Variants in DISC1 observed in about 807,000 individuals in gnomAD.
DISC1 encodes DISC1 scaffold protein.
In DISC1, 57 loss-of-function variants were observed where a neutral mutation model predicts 84.5. The observed-to-expected ratio is 0.67, with a 90% CI of 0.55 to 0.84. The LOEUF is 0.84. Among genes scored for constraint, DISC1 ranks in the 40% least tolerant of loss-of-function variants. DISC1 has a pLI of 0.00. For synonymous variants in DISC1, 411 were observed against 415.2 expected, an observed-to-expected ratio of 0.99 and a Z score of 0.12; for missense variants, 1,000 against 1,057.8, an observed-to-expected ratio of 0.95 and a Z score of 0.76.
At chr1:231,877,180 A>G (rs1349679669) in intron 9 of DISC1, among the ~76,000 whole-genome samples, 1 of 152,252 alleles carries the variant, frequency 6.6e-6, no homozygotes. Flanking sequence ...GACACCTACC[A>G]TTCTCAGGGG....
intron 3 of DISC1, among the ~76,000 whole-genome samples, chr1:231,711,648 G>A (rs1259154666): frequency 3.3e-5 from 5 of 152,108 alleles, no homozygotes; most frequent in East Asian, 3.9e-4. Context: ...GATTACAGGC[G>A]TGAGCCACCA....
chr1:231,768,702 G>A (rs115048609), intron 5 of DISC1, among the ~76,000 whole-genome samples: 435 of 152,332 alleles, frequency 2.9e-3, no homozygotes, highest in African/African-American at 9.9e-3. Flanking sequence ...TTCCTGGGGA[G>A]CTTTTGATCC....
chr1:231,784,025 AG>A (rs1195196160), intron 6 of DISC1, among the ~76,000 whole-genome samples: 4 of 152,126 alleles, frequency 2.6e-5, no homozygotes, highest in African/African-American at 9.7e-5. Context: ...ACACTTTGGG[AG>A]GCCAAGGTGG....
chr1:231,797,692 G>A (rs1002835348), intron 7 of DISC1, among the ~76,000 whole-genome samples: 24 of 151,994 alleles, frequency 1.6e-4, no homozygotes, highest in African/African-American at 5.5e-4. Flanking sequence ...ATTCTGGGGG[G>A]AAAAAAACAT....
intron 7 of DISC1, among the ~76,000 whole-genome samples, chr1:231,798,196 C>T (rs1370274325): frequency 6.6e-6 from 1 of 151,298 alleles, no homozygotes; most frequent in African/African-American, 2.4e-5. Context: ...ATGAAACCTT[C>T]CTTGCACTCA....
chr1:231,988,784 C>T (rs1389757898), intron 10 of DISC1, among the ~76,000 whole-genome samples: 1 of 152,194 alleles, frequency 6.6e-6, no homozygotes, highest in African/African-American at 2.4e-5. Flanking sequence ...AACCTCTTCC[C>T]ATAAAAATGT....
rs1020952982 is a variant in DISC1, at chr1:231,828,103, A to C, written c.1981+9586A>C. Among the ~76,000 whole-genome samples the C allele has an allele frequency of 7.2e-5, 11 of 152,218 alleles. No individual in the cohort carries two copies. The East Asian group carries it at 2.1e-3, about 29-fold the overall frequency. On this transcript the variant is annotated intron_variant, in intron 9 of 12. Transcript: ENST00000439617. ...TGTTTAATTTTTGGTGTATTAACCC[A>C]TTATGAATATCTCTCTTTTCCTATG...
chr1:231,855,722 C>A, intron 9 of DISC1, among the ~76,000 whole-genome samples: 1 of 152,270 alleles, frequency 6.6e-6, no homozygotes, highest in Non-Finnish European at 1.5e-5. Context: ...AGGGAAGTGA[C>A]GTTTCCCCTT....
At chr1:232,019,552 A>C (rs1427221111) in intron 11 of DISC1, among the ~76,000 whole-genome samples, 2 of 152,186 alleles carry the variant, frequency 1.3e-5, no homozygotes, top group African/African-American at 4.8e-5. Context: ...ATCAAGTATC[A>C]GTCTTGCAGG....
chr1:232,018,727 A>G (rs1240357148), intron 11 of DISC1, among the ~76,000 whole-genome samples: 4 of 152,142 alleles, frequency 2.6e-5, no homozygotes, highest in Admixed American at 1.3e-4. Context: ...GTGCTACTGA[A>G]TCATACCCGT....
rs1357052100 is a variant in DISC1 at position 231,689,161 on chromosome 1, T to C, written c.68-4665T>C. On this transcript the variant is annotated intron_variant, in intron 1 of 12. Coordinates refer to ENST00000439617, the MANE Select transcript of DISC1 (RefSeq NM_018662.3). ...CTGAAAAGAATATATTCCTTTATGCTTCCACTATAAATTTATATGCAAGTC... is the reference window on the plus strand; with the variant it reads ...CTGAAAAGAATATATTCCTTTATGCCTCCACTATAAATTTATATGCAAGTC... Among the ~76,000 whole-genome samples the C allele has an allele frequency of 2.6e-5, 4 of 152,222 alleles. No homozygotes were observed. The East Asian group carries it at 5.8e-4, about 22-fold the overall frequency.
intron 12 of DISC1, among the ~76,000 whole-genome samples, chr1:232,033,168 T>C (rs949204483): frequency 9.2e-5 from 14 of 152,224 alleles, no homozygotes; most frequent in Non-Finnish European, 1.9e-4. Flanking sequence ...AGTCCTCTTC[T>C]TCTCAATAAA....
At chr1:231,710,234 C>T (rs137991964) in intron 3 of DISC1, among the ~76,000 whole-genome samples, 107 of 152,214 alleles carry the variant, frequency 7.0e-4, no homozygotes, top group African/African-American at 2.3e-3. Context: ...CCCAGCTACT[C>T]GGAAGGTGGA....
At chr1:231,669,312 T>C (rs2062339256) in intron 1 of DISC1, among the ~76,000 whole-genome samples, 1 of 152,148 alleles carries the variant, frequency 6.6e-6, no homozygotes, top group Admixed American at 6.5e-5. Context: ...GACATAGACA[T>C]GGGCCAAGAT....
At chr1:231,880,850 C>T (rs1044143369) in intron 9 of DISC1, among the ~76,000 whole-genome samples, 1 of 152,094 alleles carries the variant, frequency 6.6e-6, no homozygotes, top group African/African-American at 2.4e-5. Flanking sequence ...CAGCCATTCC[C>T]TCAGAATGCA....
chr1:231,879,063 A>G (rs1169747825), intron 9 of DISC1, among the ~76,000 whole-genome samples: 4 of 151,858 alleles, frequency 2.6e-5, no homozygotes, highest in African/African-American at 9.7e-5. Flanking sequence ...CCCTTATCTG[A>G]AATGCTTGGG....
At chr1:231,723,067 C>T in intron 3 of DISC1, 1 of 1,017,148 alleles carries the variant, frequency 9.8e-7, no homozygotes, top group Non-Finnish European at 1.2e-6. Flanking sequence ...CCTTGATATC[C>T]ATGGGGGATT....
At chr1:231,631,473 G>A (rs116210601) in intron 1 of DISC1, among the ~76,000 whole-genome samples, 2,418 of 152,264 alleles carry the variant, frequency 0.016, 68 homozygotes, top group African/African-American at 0.055. Flanking sequence ...GGAGATGATG[G>A]CTCCATGCGT....
intron 1 of DISC1, among the ~76,000 whole-genome samples, chr1:231,663,118 A>T (rs1385225610): frequency 6.6e-6 from 1 of 152,168 alleles, no homozygotes; most frequent in Non-Finnish European, 1.5e-5. Flanking sequence ...AAAGGTTGAA[A>T]GTGAAAGCAT....
Sources: allele counts gnomAD v4.1 joint callset (sites outside exome capture counted in the v4.1 genomes callset), GRCh38; gene constraint gnomAD v4.1.1; transcripts MANE v1.5; gene names NCBI Gene and HGNC (gene_info 2026-07-23, HGNC 2026-07-21).